Variants in ST7 observed in about 807,000 individuals in gnomAD.
ST7 encodes the protein suppression of tumorigenicity 7.
A neutral mutation model predicts 78.7 loss-of-function variants in ST7; 28 were observed. That is an observed-to-expected ratio of 0.36 (90% confidence interval 0.26 to 0.49). ST7 has a LOEUF of 0.49. ST7 is among the 20% of genes least tolerant of loss of function. ST7 has a pLI of 0.99. For synonymous variants in ST7, 247 were observed against 249.6 expected, an observed-to-expected ratio of 0.99 and a Z score of 0.10; for missense variants, 418 against 696.0, an observed-to-expected ratio of 0.60 and a Z score of 4.49.
At chr7:117,125,474 A>G (rs1047677918) in intron 3 of ST7, among the ~76,000 whole-genome samples, 3 of 152,118 alleles carry the variant, frequency 2.0e-5, no homozygotes, top group Non-Finnish European at 4.4e-5. Context: ...AAAGCTACCT[A>G]CATATTTTTG....
chr7:117,047,013 T>C (rs1271016204), intron 1 of ST7, among the ~76,000 whole-genome samples: 2 of 152,202 alleles, frequency 1.3e-5, no homozygotes, highest in Non-Finnish European at 2.9e-5. Context: ...CTGCCGCATA[T>C]TGAACATTAA....
rs551506143 is a variant in ST7, at chr7:117,176,714, G to A, written c.1078+5738G>A. 5.9e-5 allele frequency among the ~76,000 whole-genome samples: 9 copies of A among 152,276 alleles called. No individual in the cohort carries two copies. The East Asian group carries it at 1.7e-3, about 29-fold the overall frequency. ...ATAGGAAGGATGTGAGATGTCTGGA[G>A]GTCCAATGAGTAAAATCTGTATTTG... On this transcript the variant is annotated intron_variant, in intron 10 of 15. Transcript: ENST00000323984.
intron 1 of ST7, among the ~76,000 whole-genome samples, chr7:116,999,671 A>G (rs1477033544): frequency 6.6e-6 from 1 of 152,184 alleles, no homozygotes; most frequent in Non-Finnish European, 1.5e-5. Flanking sequence ...GTATCATTTC[A>G]CTTATCAACA....
chr7:117,228,173 T>C (rs1793570194), intron 15 of ST7, among the ~76,000 whole-genome samples: 1 of 152,150 alleles, frequency 6.6e-6, no homozygotes, highest in South Asian at 2.1e-4. Flanking sequence ...TCCACTGGAG[T>C]CCATTTCACT....
chr7:117,007,340 T>G (rs1426828155), intron 1 of ST7, among the ~76,000 whole-genome samples: 1 of 152,190 alleles, frequency 6.6e-6, no homozygotes, highest in Middle Eastern at 3.2e-3. Context: ...GCCATAACAT[T>G]CCCTTAAGCC....
intron 2 of ST7, among the ~76,000 whole-genome samples, chr7:117,110,488 A>G (rs1802340589): frequency 6.6e-6 from 1 of 152,190 alleles, no homozygotes; most frequent in Non-Finnish European, 1.5e-5. Flanking sequence ...TAGGCTCAAT[A>G]GGTAGAATAG....
intron 12 of ST7, among the ~76,000 whole-genome samples, chr7:117,202,863 G>T (rs1811004845): frequency 6.6e-6 from 1 of 152,050 alleles, no homozygotes; most frequent in South Asian, 2.1e-4. Flanking sequence ...GATTCTAAGT[G>T]TTTTTTTCCC....
chr7:117,224,562 A>G (rs1372540979), intron 15 of ST7, among the ~76,000 whole-genome samples: 1 of 152,166 alleles, frequency 6.6e-6, no homozygotes, highest in African/African-American at 2.4e-5. Flanking sequence ...TTTTTCTGTT[A>G]AACATTTTTA....
chr7:117,019,143 A>G (rs138656458), intron 1 of ST7, among the ~76,000 whole-genome samples: 1 of 152,332 alleles, frequency 6.6e-6, no homozygotes, highest in African/African-American at 2.4e-5. Context: ...GAAAAGGCAT[A>G]TACCTTGGAT....
At chr7:117,046,849 T>G (rs1300825050) in intron 1 of ST7, among the ~76,000 whole-genome samples, 2 of 152,182 alleles carry the variant, frequency 1.3e-5, no homozygotes, top group African/African-American at 4.8e-5. Context: ...AGTTATTAAG[T>G]ACATGGACTT....
At chr7:117,110,735 G>A (rs1802360990) in intron 2 of ST7, among the ~76,000 whole-genome samples, 1 of 152,194 alleles carries the variant, frequency 6.6e-6, no homozygotes, top group Non-Finnish European at 1.5e-5. Flanking sequence ...CTTTCACTCT[G>A]GTGAGCTAGG....
chr7:116,963,042 C>T (rs1176447666), intron 1 of ST7, among the ~76,000 whole-genome samples: 5 of 152,170 alleles, frequency 3.3e-5, no homozygotes, highest in Non-Finnish European at 7.4e-5. Context: ...TATAGTAGGT[C>T]TTTTCCTCAG....
At chr7:117,092,407 C>T (rs1800704830) in intron 1 of ST7, among the ~76,000 whole-genome samples, 1 of 148,316 alleles carries the variant, frequency 6.7e-6, no homozygotes, top group Non-Finnish European at 1.5e-5. Context: ...CAGGGTCATT[C>T]TGAGGAAAAG....
chr7:117,175,513 T>A (rs538555062), intron 10 of ST7, among the ~76,000 whole-genome samples: 105 of 152,296 alleles, frequency 6.9e-4, no homozygotes, highest in African/African-American at 2.5e-3. Context: ...CTGTCTCTAG[T>A]TAGTGATCCT....
At chr7:117,174,062 C>G (rs1057501776) in intron 10 of ST7, among the ~76,000 whole-genome samples, 2 of 152,112 alleles carry the variant, frequency 1.3e-5, no homozygotes, top group Non-Finnish European at 2.9e-5. Context: ...TCCTGTGTCC[C>G]CACAAAGATT....
chr7:116,953,660 G>T lies in ST7; in HGVS notation c.120G>T (p.Val40=). ...TATTCCTGGTCTACATCCTGCGGGT[G>T]CCTTTGAAAATCAACGACAACTTGA... The part of the protein sequence containing the change: ...IVLFLVYILR[V]PLKINDNLST... Residue 40 remains valine (V), a synonymous_variant, in exon 1 of 16, where the codon GTG becomes GTT. Coordinates refer to ENST00000323984, the MANE Select transcript of ST7 (RefSeq NM_001369598.1). The T allele has an allele frequency of 6.7e-7, 1 of 1,499,892 alleles. No individual in the cohort carries two copies. The highest frequency in any genetic ancestry group is 9.0e-7 in the Non-Finnish European group (1 of 1,111,476). The allele number at this position is 1,499,892 out of a possible 1,614,324, so 92.9% of individuals were successfully genotyped here.
At chr7:117,016,077 A>T (rs751995927) in intron 1 of ST7, among the ~76,000 whole-genome samples, 1 of 152,220 alleles carries the variant, frequency 6.6e-6, no homozygotes, top group African/African-American at 2.4e-5. Context: ...CTTCTGTGGT[A>T]GATACTTTTT....
chr7:117,172,649 C>T (rs977486402), intron 10 of ST7, among the ~76,000 whole-genome samples: 1 of 152,232 alleles, frequency 6.6e-6, no homozygotes, highest in Non-Finnish European at 1.5e-5. Flanking sequence ...AACTATTGGG[C>T]TGCCTTGTAG....
chr7:116,976,802 A>G (rs1793727653), intron 1 of ST7, among the ~76,000 whole-genome samples: 1 of 152,066 alleles, frequency 6.6e-6, no homozygotes, highest in African/African-American at 2.4e-5. Context: ...ATACCTCACC[A>G]GTAATAGATG....
Sources: gnomAD v4.1 joint callset for allele counts (sites outside exome capture counted in the v4.1 genomes callset) on GRCh38, gnomAD v4.1.1 for gene constraint, MANE v1.5 for transcripts, NCBI Gene and HGNC (gene_info 2026-07-23, HGNC 2026-07-21) for gene names.